SPTBN4: variants seen among roughly 807,000 people sequenced by gnomAD.
SPTBN4 encodes the protein spectrin beta chain, non-erythrocytic 4.
A neutral mutation model predicts 277.8 loss-of-function variants in SPTBN4; 96 were observed. The ratio of observed to expected loss-of-function variants is 0.35; its 90% CI spans 0.29 to 0.41. The LOEUF (loss-of-function observed/expected upper bound fraction) is 0.41, where lower values mean the gene tolerates loss of function less well. Among genes scored for constraint, SPTBN4 ranks in the 10% least tolerant of loss-of-function variants. The pLI is 1.00. For synonymous variants in SPTBN4, 1,481 were observed against 1,580.3 expected, an observed-to-expected ratio of 0.94 and a Z score of 1.49; for missense variants, 3,006 against 3,595.7, an observed-to-expected ratio of 0.84 and a Z score of 4.19.
At position 40,494,907 on chromosome 19, in the gene SPTBN4, G is replaced by A; in HGVS notation, c.598G>A (p.Val200Ile). 6 of 1,613,862 alleles carry A rather than the reference G, an allele frequency of 3.7e-6. No homozygotes were observed. The highest frequency in any genetic ancestry group is 5.1e-6 in the Non-Finnish European group (6 of 1,179,958). ...CQMKTAGYPE[V>I]NIQNFTTSWR... ...CCTTCACCCTTCCAGTTACCCTGAG[G>A]TAAACATCCAGAATTTCACCACCAG... The change falls in exon 6 of 36, where the codon GTA becomes ATA. Residue 200 changes from valine to isoleucine, a missense_variant. Transcript: ENST00000598249.
At position 40,567,804 on chromosome 19, in the gene SPTBN4, C is replaced by G; in HGVS notation, c.6478C>G (p.Leu2160Val). 4.0e-6 allele frequency: 6 copies of G among 1,509,126 alleles called. No individual in the cohort carries two copies. Among genetic ancestry groups the G allele is most frequent in the Non-Finnish European group, 5.3e-6 (6 of 1,127,168 alleles). The allele number at this position is 1,509,126 out of a possible 1,614,324, so 93.5% of individuals were successfully genotyped here. The change falls in exon 31 of 36, where the codon CTG becomes GTG. Residue 2160 changes from leucine (L) to valine (V), a missense_variant. This residue lies in a region of SPTBN4 where 630 missense variants were observed against 677.6 expected (regional missense o/e 0.93). Transcript: ENST00000598249. ...GGGCTATGAAAGGGGCTTGGAGCCC[C>G]TGGCCCGCCGAGCCTCGGACACGCT... ...PGGYERGLEPLARRASDTLSA... is the reference protein window; with the variant it reads ...PGGYERGLEPVARRASDTLSA...
chr19:40,493,935 C>T (rs1246554838), intron 5 of SPTBN4, among the ~76,000 whole-genome samples: 1 of 152,178 alleles, frequency 6.6e-6, no homozygotes, highest in Non-Finnish European at 1.5e-5. Context: ...GCTCTGGCCA[C>T]CCTCTCCCGC....
intron 2 of SPTBN4, among the ~76,000 whole-genome samples, chr19:40,481,007 G>T (rs1354458544): frequency 6.6e-6 from 1 of 152,136 alleles, no homozygotes; most frequent in Non-Finnish European, 1.5e-5. Flanking sequence ...GGAGGTTGCG[G>T]TGAGCCAAGA....
chr19:40,572,706 C>G, intron 35 of SPTBN4: 1 of 289,236 alleles, frequency 3.5e-6, no homozygotes, highest in South Asian at 4.8e-5. Flanking sequence ...CGCTTGTAAT[C>G]CCAGTACTTT....
At chr19:40,501,080 A>AATTT (rs1455651214) in intron 7 of SPTBN4, among the ~76,000 whole-genome samples, 1 of 151,914 alleles carries the variant, frequency 6.6e-6, no homozygotes, top group African/African-American at 2.4e-5. Flanking sequence ...TGTCTAAGGA[A>AATTT]ATTTGAGTTG....
At chr19:40,486,729 G>T (rs536376187) in intron 2 of SPTBN4, among the ~76,000 whole-genome samples, 18 of 151,640 alleles carry the variant, frequency 1.2e-4, no homozygotes, top group Non-Finnish European at 2.5e-4. Flanking sequence ...GGGCGCAATG[G>T]CTCATGCCTG....
intron 7 of SPTBN4, among the ~76,000 whole-genome samples, chr19:40,497,966 C>T (rs1200948650): frequency 6.7e-6 from 1 of 148,960 alleles, no homozygotes; most frequent in Non-Finnish European, 1.5e-5. Context: ...CAGCCCCAAA[C>T]CCAGTGGCAT....
chr19:40,521,642 C>T (rs1043647628), intron 16 of SPTBN4, among the ~76,000 whole-genome samples: 8 of 152,194 alleles, frequency 5.3e-5, no homozygotes, highest in African/African-American at 1.9e-4. Context: ...CTCGCCCCCC[C>T]TCCACCTCCT....
intron 17 of SPTBN4, among the ~76,000 whole-genome samples, chr19:40,524,057 G>A (rs1464179133): frequency 6.6e-6 from 1 of 152,172 alleles, no homozygotes; most frequent in Non-Finnish European, 1.5e-5. Flanking sequence ...CTCCCAAAGT[G>A]CTGTGATTAG....
chr19:40,519,883 T>G lies in SPTBN4; in HGVS notation c.3386T>G (p.Leu1129Arg). The change falls in exon 16 of 36, where the codon CTG (leucine) becomes CGG (arginine). Residue 1129 changes from leucine (L) to arginine (R), a missense_variant. Physicochemically the swap from Leu to Arg is moderately radical, Grantham distance 102. Transcript: ENST00000598249. This position sits in a 1 kb window ranked among gnomAD's most constrained non-coding sequence, Gnocchi z 5.7. ...AGCCTAGAAGAGGCGGACGCGCTGCTGGCGCGCCACGCTGCGCTCAAGGAG... is the reference window on the plus strand; with the variant it reads ...AGCCTAGAAGAGGCGGACGCGCTGCGGGCGCGCCACGCTGCGCTCAAGGAG... ...PNSLEEADALLARHAALKEEV... is the reference protein window; with the variant it reads ...PNSLEEADALRARHAALKEEV... 1 of 1,513,110 alleles carries G rather than the reference T, an allele frequency of 6.6e-7. No homozygotes were observed. Among genetic ancestry groups the G allele is most frequent in the Non-Finnish European group, 8.8e-7 (1 of 1,140,816 alleles). 93.7% of individuals were successfully genotyped at this position (1,513,110 alleles called of 1,614,324 possible). A position where few individuals can be genotyped will look rare whatever the true frequency, so the allele number is the denominator to read the frequency against.
Position 40,560,163 on chromosome 19 carries a change from G to A in SPTBN4, c.5675G>A (p.Arg1892Gln), listed in dbSNP as rs148976057. The part of the protein sequence containing the change: ...HDLQLLVSQV[R>Q]QLQEGAAQLR... ...CCGACCTGGCATGCCCTTCAGGTACGGCAGCTGCAGGAGGGGGCGGCCCAG... is the reference window on the plus strand; with the variant it reads ...CCGACCTGGCATGCCCTTCAGGTACAGCAGCTGCAGGAGGGGGCGGCCCAG... The change falls in exon 27 of 36, where the codon CGG becomes CAG. Residue 1892 changes from arginine (R) to glutamine (Q), a missense_variant. Around this residue, in one of 5 missense-constraint regions of SPTBN4, gnomAD observed 425 missense variants for 594.7 expected, o/e 0.71. Coordinates refer to ENST00000598249, the MANE Select transcript of SPTBN4 (RefSeq NM_020971.3). The surrounding 1 kb of genome is among the most constrained non-coding windows in gnomAD (Gnocchi z 5.2). The A allele has an allele frequency of 7.5e-4, 1,200 of 1,594,302 alleles. 1 individual carries two copies. The highest frequency in any genetic ancestry group is 9.5e-4 in the Non-Finnish European group (1,116 of 1,175,430).
intron 2 of SPTBN4, among the ~76,000 whole-genome samples, chr19:40,486,957 CA>C (rs1489712843): frequency 3.3e-5 from 5 of 152,002 alleles, no homozygotes; most frequent in African/African-American, 4.8e-5. Flanking sequence ...CTTCAAGGGA[CA>C]GGAAGGTTTT....
chr19:40,533,423 G>A (rs1347508601), intron 19 of SPTBN4, among the ~76,000 whole-genome samples: 1 of 152,052 alleles, frequency 6.6e-6, no homozygotes, highest in East Asian at 1.9e-4. Context: ...GTCTTGGAGG[G>A]ACTGAGGTAG....
chr19:40,556,996 A>AGCCCCCCCC, intron 25 of SPTBN4, 27 bp from the exon 26 acceptor site: 1 of 1,363,604 alleles, frequency 7.3e-7, no homozygotes, highest in Non-Finnish European at 9.8e-7. Context: ...ACTTTGCTGT[A>AGCCCCCCCC]CCCCCCCCCC....
At position 40,473,398 on chromosome 19, in the gene SPTBN4, C is replaced by T. The variant is rs543966827; in HGVS notation, c.169+608C>T. Among the ~76,000 whole-genome samples, 131 of 123,934 alleles carry T rather than the reference C, an allele frequency of 1.1e-3. 2 individuals carry two copies. In the East Asian group the frequency reaches 0.028, roughly 27 times the overall value. The allele number at this position is 123,934 out of a possible 152,430, so 81.3% of individuals were successfully genotyped here. ...TTGAGACGGAGTTTCGCTCTTGTTG[C>T]CCAGGCTGGAGTGCAGTGGCGCGAT... On this transcript the variant is annotated intron_variant, in intron 2 of 35. Transcript: ENST00000598249.
chr19:40,570,736 T>C lies in SPTBN4; in HGVS notation c.7319+8T>C. ...CCGCAAGTCGTCCAACCGGTGAGCG[T>C]GTGGGCGGGGCTTTGGAAGGCGGGT... On this transcript the variant is annotated splice_region_variant and intron_variant, in intron 33 of 35. Coordinates refer to ENST00000598249, the MANE Select transcript of SPTBN4 (RefSeq NM_020971.3). 1 of 1,603,750 alleles carries C rather than the reference T, an allele frequency of 6.2e-7. No individual in the cohort carries two copies. Among genetic ancestry groups the C allele is most frequent in the Non-Finnish European group, 8.5e-7 (1 of 1,175,718 alleles).
At position 40,554,309 on chromosome 19, in the gene SPTBN4, C is replaced by G. The variant is rs1347210420; in HGVS notation, c.4837C>G (p.Arg1613Gly). ...CGGACTGCGGGAGGCTGCCGAGCGACGGCAGCAGGTGCTGGACGCCGCCTT... is the reference window on the plus strand; with the variant it reads ...CGGACTGCGGGAGGCTGCCGAGCGAGGGCAGCAGGTGCTGGACGCCGCCTT... ...WAGLREAAER[R>G]QQVLDAAFQV... The change falls in exon 23 of 36, where the codon CGG becomes GGG. Residue 1613 changes from arginine to glycine, a missense_variant. By Grantham distance (125) the Arg-to-Gly change is moderately radical. Transcript: ENST00000598249. The surrounding 1 kb of genome is among the most constrained non-coding windows in gnomAD (Gnocchi z 5.7). 1 of 1,544,682 alleles carries G rather than the reference C, an allele frequency of 6.5e-7. No individual in the cohort carries two copies. The highest frequency in any genetic ancestry group is 1.2e-5 in the South Asian group (1 of 84,576).
At position 40,554,751 on chromosome 19, in the gene SPTBN4, C is replaced by T; in HGVS notation, c.5084+105C>T. 1 of 1,515,248 alleles carries T rather than the reference C, an allele frequency of 6.6e-7. No individual in the cohort carries two copies. Among genetic ancestry groups the T allele is most frequent in the South Asian group, 1.2e-5 (1 of 82,334 alleles). 93.9% of individuals were successfully genotyped at this position (1,515,248 alleles called of 1,614,324 possible). A position where few individuals can be genotyped will look rare whatever the true frequency, so the allele number is the denominator to read the frequency against. On this transcript the variant is annotated intron_variant, in intron 24 of 35. Coordinates refer to ENST00000598249, the MANE Select transcript of SPTBN4 (RefSeq NM_020971.3). The surrounding 1 kb of genome is among the most constrained non-coding windows in gnomAD (Gnocchi z 5.7). Reference sequence around the variant, plus strand: ...GAATTGGACGTTGGGTGGGAGAGGTCCTCCTTGCTGTGTGCTGGAGCCCTC... The same window carrying T: ...GAATTGGACGTTGGGTGGGAGAGGTTCTCCTTGCTGTGTGCTGGAGCCCTC...
Position 40,512,968 on chromosome 19 carries a change from G to C in SPTBN4, c.2179G>C (p.Ala727Pro). The C allele has an allele frequency of 7.1e-7, 1 of 1,412,456 alleles. No individual in the cohort carries two copies. Among genetic ancestry groups the C allele is most frequent in the Non-Finnish European group, 9.1e-7 (1 of 1,093,326 alleles). 87.5% of individuals were successfully genotyped at this position (1,412,456 alleles called of 1,614,324 possible). A position where few individuals can be genotyped will look rare whatever the true frequency, so the allele number is the denominator to read the frequency against. ...CCTGCGGTGTGGCGAGGAGCTGGTTGCGGCCGGCGGTGCCGTCGGCCCGGG... is the reference window on the plus strand; with the variant it reads ...CCTGCGGTGTGGCGAGGAGCTGGTTCCGGCCGGCGGTGCCGTCGGCCCGGG... ...QALRCGEELV[A>P]AGGAVGPGAD... is the part of the protein sequence containing the mutation. Residue 727 changes from alanine (A) to proline (P), a missense_variant, in exon 14 of 36, where the codon GCG (alanine) becomes CCG (proline). This residue lies in a region of SPTBN4 where 1,759 missense variants were observed against 2,061.5 expected (regional missense o/e 0.85). Transcript: ENST00000598249.
Sources: gnomAD v4.1 joint callset for allele counts (sites outside exome capture counted in the v4.1 genomes callset) on GRCh38, gnomAD v4.1.1 for gene constraint, gnomAD v4.1.1 regional missense constraint, Gnocchi (gnomAD v3.1) non-coding constraint, MANE v1.5 for transcripts, NCBI Gene and HGNC (gene_info 2026-07-23, HGNC 2026-07-21) for gene names.